Variants in TRRAP observed in about 807,000 individuals in gnomAD.
The protein encoded by TRRAP is transformation/transcription domain-associated protein.
Under a neutral mutation model 438.8 loss-of-function variants are expected in TRRAP, and 41 were observed. The observed-to-expected ratio is 0.09, with a 90% CI of 0.07 to 0.12. The LOEUF is 0.12. TRRAP is among the 10% of genes least tolerant of loss of function. TRRAP has a pLI of 1.00. For missense variants in TRRAP, 3,122 were observed against 5,055.1 expected (o/e 0.62, Z 11.60); for synonymous variants, 1,994 against 1,962.9 (o/e 1.02, Z -0.42).
intron 21 of TRRAP, among the ~76,000 whole-genome samples, chr7:98,923,482 G>A (rs542072877): frequency 2.0e-5 from 3 of 152,262 alleles, no homozygotes; most frequent in Non-Finnish European, 4.4e-5. Context: ...CCAAGTGCCA[G>A]TGAGTTTCCA....
At position 98,965,901 on chromosome 7, in the gene TRRAP, C is replaced by G. The variant is rs754198031; in HGVS notation, c.7176+6C>G. ...CCCCAATGGCAGCCAATCAGGTGAGCTGGGACGGTGTGCCATGTGATCTCC... is the reference window on the plus strand; with the variant it reads ...CCCCAATGGCAGCCAATCAGGTGAGGTGGGACGGTGTGCCATGTGATCTCC... On this transcript the variant is annotated splice_donor_region_variant and intron_variant, in intron 49 of 72. Coordinates refer to ENST00000456197, the MANE Select transcript of TRRAP (RefSeq NM_001375524.1). The G allele has an allele frequency of 1.3e-5, 21 of 1,613,894 alleles. No individual in the cohort carries two copies. The highest frequency in any genetic ancestry group is 1.8e-5 in the Non-Finnish European group (21 of 1,179,934).
At chr7:98,989,001 A>G (rs746639327) in intron 63 of TRRAP, 35 bp downstream of exon 63, 9 of 1,592,898 alleles carry the variant, frequency 5.7e-6, no homozygotes, top group Non-Finnish European at 6.0e-6. Flanking sequence ...ACCAGAGGCC[A>G]TCTGTCACCT....
At chr7:98,972,065 T>G in intron 53 of TRRAP, 120 bp downstream of exon 53, 1 of 1,360,318 alleles carries the variant, frequency 7.4e-7, no homozygotes, top group Non-Finnish European at 9.7e-7. Context: ...CTTTTTGAGA[T>G]GGGATGTTGC....
chr7:98,899,899 C>A, intron 10 of TRRAP, 132 bp downstream of exon 10: 2 of 885,860 alleles, frequency 2.3e-6, no homozygotes, highest in Non-Finnish European at 3.5e-6. Flanking sequence ...TGTTGACTTT[C>A]TGCACCTGTG....
rs114245675 is a variant in TRRAP at position 98,927,127 on chromosome 7, A to G, written c.2976-40A>G. The G allele has an allele frequency of 1.7e-3, 2,697 of 1,606,274 alleles. 28 individuals are homozygous for G. In the African/African-American group the frequency reaches 0.033, roughly 19 times the overall value. On this transcript the variant is annotated intron_variant, in intron 22 of 72. Coordinates refer to ENST00000456197, the MANE Select transcript of TRRAP (RefSeq NM_001375524.1). The stretch of plus-strand genomic sequence containing the variant: ...GTCCTAGTGGAGTCATCAGCTCAGG[A>G]GTTGGGTGTCGTGACACCAGATCTG...
Position 98,950,903 on chromosome 7 carries a change from T to C in TRRAP, c.5362T>C (p.Phe1788Leu). The C allele has an allele frequency of 6.3e-7, 1 of 1,589,258 alleles. No homozygotes were observed. Among genetic ancestry groups the C allele is most frequent in the Non-Finnish European group, 8.5e-7 (1 of 1,172,032 alleles). ...TCTGCAGCATATCTTGAATCCTGCTTTCTTGTACAGCTTTGAGAAGGGGGA... is the reference window on the plus strand; with the variant it reads ...TCTGCAGCATATCTTGAATCCTGCTCTCTTGTACAGCTTTGAGAAGGGGGA... ...KVLQHILNPA[F>L]LYSFEKGEGE... is the part of the protein sequence containing the mutation. Residue 1788 changes from phenylalanine to leucine, a missense_variant, in exon 39 of 73, where the codon TTC becomes CTC. Phe to Leu is a conservative substitution (Grantham distance 22). Coordinates refer to ENST00000456197, the MANE Select transcript of TRRAP (RefSeq NM_001375524.1).
In TRRAP at chr7:98,994,247, G is replaced by T. The variant is rs745895904; in HGVS notation, c.10048-340G>T. Among the ~76,000 whole-genome samples the T allele has an allele frequency of 6.6e-6, 1 of 152,226 alleles. No homozygotes were observed. Among genetic ancestry groups the T allele is most frequent in the East Asian group, 1.9e-4 (1 of 5,192 alleles). On this transcript the variant is annotated intron_variant, in intron 66 of 72. Transcript: ENST00000456197. This position sits in a 1 kb window ranked among gnomAD's most constrained non-coding sequence, Gnocchi z 4.8. ...GAAGTCTCGTGTGTGCACAGTGCAC[G>T]CAGACACGCGGTGGGAACAGTACAG...
Position 98,915,764 on chromosome 7 carries a change from G to A in TRRAP, c.2241G>A (p.Ala747=), listed in dbSNP as rs543046396. Residue 747 remains alanine (A), a synonymous_variant, in exon 19 of 73, where the codon GCG becomes GCA. Transcript: ENST00000456197. ...HKIVNSSMEL[A]QTAKEPYNYF... Reference sequence around the variant, plus strand: ...TTGTGAACAGCTCTATGGAGCTCGCGCAGACTGCCAAGGAACCCTACAACT... The same window carrying A: ...TTGTGAACAGCTCTATGGAGCTCGCACAGACTGCCAAGGAACCCTACAACT... 46 of 1,614,108 alleles carry A rather than the reference G, an allele frequency of 2.8e-5. No individual in the cohort carries two copies. Among genetic ancestry groups the A allele is most frequent in the Middle Eastern group, 1.6e-4 (1 of 6,062 alleles).
intron 3 of TRRAP, among the ~76,000 whole-genome samples, chr7:98,885,057 C>A (rs909433055): frequency 3.3e-5 from 5 of 151,980 alleles, no homozygotes; most frequent in Admixed American, 6.6e-5. Context: ...AAGCATGAAA[C>A]CCCAATCATC....
In TRRAP at chr7:98,925,136, C is replaced by T. The variant is rs1554411325; in HGVS notation, c.2848C>T (p.Leu950=). The T allele has an allele frequency of 6.2e-7, 1 of 1,614,056 alleles. No individual in the cohort carries two copies. Among genetic ancestry groups the T allele is most frequent in the African/African-American group, 1.3e-5 (1 of 75,036 alleles). Residue 950 remains leucine, a synonymous_variant, in exon 22 of 73, where the codon CTG becomes TTG. Coordinates refer to ENST00000456197, the MANE Select transcript of TRRAP (RefSeq NM_001375524.1). ...GGCCATTGAAACTGCTCTGGACTGCCTGAAAAGCGCCAACACTGAGCCCTA... is the reference window on the plus strand; with the variant it reads ...GGCCATTGAAACTGCTCTGGACTGCTTGAAAAGCGCCAACACTGAGCCCTA... The part of the protein sequence containing the change: ...EKAIETALDC[L]KSANTEPYYR...
intron 26 of TRRAP, among the ~76,000 whole-genome samples, chr7:98,932,575 G>A (rs1458892412): frequency 6.6e-6 from 1 of 151,892 alleles, no homozygotes; most frequent in African/African-American, 2.4e-5. Context: ...AACTCCTGGG[G>A]TCGAGCAGTC....
intron 45 of TRRAP, among the ~76,000 whole-genome samples, chr7:98,959,936 T>TGA (rs1483906654): frequency 1.8e-5 from 2 of 112,694 alleles, no homozygotes; most frequent in African/African-American, 7.7e-5. Context: ...CCTGGTCTCT[T>TGA]AAAAAAAAAA....
intron 4 of TRRAP, among the ~76,000 whole-genome samples, chr7:98,891,316 A>G (rs1795970401): frequency 6.7e-6 from 1 of 149,250 alleles, no homozygotes; most frequent in Admixed American, 6.7e-5. Context: ...GGTTCAAACA[A>G]TTCTCCTGCC....
Position 99,011,822 on chromosome 7 carries a change from T to TTG in TRRAP, c.11338-247_11338-246dup, listed in dbSNP as rs1794441075. On this transcript the variant is annotated intron_variant, in intron 72 of 72. Transcript: ENST00000456197. The surrounding 1 kb of genome is among the most constrained non-coding windows in gnomAD (Gnocchi z 7.1). ...GGCCTCAGTCGCAGCATGGCTGCCT[T>TTG]TGTCATCTAGGTCCGCGCTGCCCAA... Among the ~76,000 whole-genome samples, 1 of 152,244 alleles carries TTG rather than the reference T, an allele frequency of 6.6e-6. No individual in the cohort carries two copies. Among genetic ancestry groups the TTG allele is most frequent in the Admixed American group, 6.5e-5 (1 of 15,282 alleles).
chr7:98,951,059 C>CTGGGTG, intron 39 of TRRAP, 55 bp downstream of exon 39: 1 of 968,024 alleles, frequency 1.0e-6, no homozygotes, highest in Non-Finnish European at 1.4e-6. Flanking sequence ...GGATGAACAT[C>CTGGGTG]TGTGTGTGTG....
chr7:98,989,293 A>G (rs930938663), intron 63 of TRRAP, among the ~76,000 whole-genome samples: 3 of 152,336 alleles, frequency 2.0e-5, no homozygotes, highest in Middle Eastern at 3.4e-3. Flanking sequence ...GACGCCCGTT[A>G]GGTTGTCATC....
At chr7:98,987,695 C>G (rs150044829) in intron 62 of TRRAP, among the ~76,000 whole-genome samples, 1 of 152,288 alleles carries the variant, frequency 6.6e-6, no homozygotes, top group African/African-American at 2.4e-5. Context: ...CCCAATTGCC[C>G]TGACTAGAAC....
intron 67 of TRRAP, among the ~76,000 whole-genome samples, chr7:98,996,325 T>G (rs1427905272): frequency 6.6e-6 from 1 of 152,184 alleles, no homozygotes; most frequent in Non-Finnish European, 1.5e-5. Context: ...TCAGCCTCCA[T>G]CCCACTTACC....
In TRRAP at chr7:98,956,658, C is replaced by A; in HGVS notation, c.6231+125C>A. On this transcript the variant is annotated intron_variant, in intron 43 of 72. Coordinates refer to ENST00000456197, the MANE Select transcript of TRRAP (RefSeq NM_001375524.1). The surrounding 1 kb of genome is among the most constrained non-coding windows in gnomAD (Gnocchi z 4.5). ...CAGGAGAGGAAGCTGGGAACAGCCA[C>A]GGTCACCAGATTGAAACTCCAGGAC... 1 of 1,452,998 alleles carries A rather than the reference C, an allele frequency of 6.9e-7. No individual in the cohort carries two copies. The highest frequency in any genetic ancestry group is 9.1e-7 in the Non-Finnish European group (1 of 1,093,006). 90.0% of individuals were successfully genotyped at this position (1,452,998 alleles called of 1,614,324 possible).
Sources: allele counts gnomAD v4.1 joint callset (sites outside exome capture counted in the v4.1 genomes callset), GRCh38; gene constraint gnomAD v4.1.1; non-coding constraint Gnocchi (gnomAD v3.1); transcripts MANE v1.5; gene names NCBI Gene and HGNC (gene_info 2026-07-23, HGNC 2026-07-21).